Variants in CPQ observed in about 807,000 individuals in gnomAD.
CPQ encodes the protein Ser-Met dipeptidase.
Under a neutral mutation model 45.7 loss-of-function variants are expected in CPQ, and 37 were observed. The ratio of observed to expected loss-of-function variants is 0.81; its 90% CI spans 0.62 to 1.07. The LOEUF is 1.07. CPQ is among the 50% of genes least tolerant of loss of function. The pLI, the probability that CPQ is intolerant of heterozygous loss-of-function variation, is 0.00. For synonymous variants in CPQ, 186 were observed against 205.8 expected (o/e 0.90, Z 0.82); for missense variants, 537 against 572.9 (o/e 0.94, Z 0.64).
intron 2 of CPQ, among the ~76,000 whole-genome samples, chr8:96,798,050 C>CAA (rs796338469): frequency 1.5e-5 from 2 of 137,704 alleles, no homozygotes; most frequent in African/African-American, 5.3e-5. Context: ...GACTCCATCT[C>CAA]AAAAAAAAAA....
intron 2 of CPQ, among the ~76,000 whole-genome samples, chr8:96,809,941 A>AC (rs1468698255): frequency 1.3e-5 from 2 of 152,186 alleles, no homozygotes; most frequent in African/African-American, 2.4e-5. Context: ...ACTCTAGTGA[A>AC]CACCCAACTT....
intron 6 of CPQ, among the ~76,000 whole-genome samples, chr8:97,059,484 A>G (rs1810510691): frequency 6.6e-6 from 1 of 152,166 alleles, no homozygotes; most frequent in Admixed American, 6.5e-5. Flanking sequence ...TTGGGTGCCC[A>G]AAGCTGTTCA....
chr8:97,055,959 G>A (rs58901346), intron 6 of CPQ, among the ~76,000 whole-genome samples: 5,538 of 152,120 alleles, frequency 0.036, 278 homozygotes, highest in African/African-American at 0.11. Flanking sequence ...AAATTAGCTG[G>A]GCGTGGTGGT....
chr8:96,713,968 A>G (rs756574955), intron 1 of CPQ, among the ~76,000 whole-genome samples: 30 of 151,940 alleles, frequency 2.0e-4, no homozygotes, highest in Non-Finnish European at 1.5e-4. Flanking sequence ...GCGGACACCA[A>G]CTCCTTCTGG....
At chr8:96,823,167 G>A (rs1334835306) in intron 2 of CPQ, among the ~76,000 whole-genome samples, 1 of 151,874 alleles carries the variant, frequency 6.6e-6, no homozygotes, top group Admixed American at 6.6e-5. Context: ...AGAAAATGGG[G>A]TCTTTTTAAA....
At position 96,845,495 on chromosome 8, in the gene CPQ, A is replaced by G. The variant is rs1209654430; in HGVS notation, c.641+10315A>G. Among the ~76,000 whole-genome samples the G allele has an allele frequency of 2.0e-5, 3 of 152,302 alleles. No individual in the cohort carries two copies. In the East Asian group the frequency reaches 5.8e-4, roughly 29 times the overall value. ...AGCTATTTTTCTGAAGCCACATTCTAAAGCACCACAGATTTTTTTCTCAAT... is the reference window on the plus strand; with the variant it reads ...AGCTATTTTTCTGAAGCCACATTCTGAAGCACCACAGATTTTTTTCTCAAT... On this transcript the variant is annotated intron_variant, in intron 3 of 7. Transcript: ENST00000220763.
chr8:96,722,294 A>G (rs1809774913), intron 1 of CPQ, among the ~76,000 whole-genome samples: 1 of 152,222 alleles, frequency 6.6e-6, no homozygotes. Flanking sequence ...GAGGCTACAT[A>G]TTCAGAGATC....
intron 6 of CPQ, among the ~76,000 whole-genome samples, chr8:97,044,217 G>A (rs562195023): frequency 3.9e-5 from 6 of 151,924 alleles, no homozygotes; most frequent in Non-Finnish European, 5.9e-5. Context: ...ATCCCTTCTC[G>A]CTTCATTTCA....
At chr8:97,085,246 C>T (rs1811021073) in intron 7 of CPQ, among the ~76,000 whole-genome samples, 1 of 151,896 alleles carries the variant, frequency 6.6e-6, no homozygotes, top group Non-Finnish European at 1.5e-5. Context: ...TAGCCAGGCG[C>T]AGTGGTGCAT....
At chr8:96,736,183 G>A (rs1474697287) in intron 1 of CPQ, among the ~76,000 whole-genome samples, 1 of 152,172 alleles carries the variant, frequency 6.6e-6, no homozygotes, top group African/African-American at 2.4e-5. Flanking sequence ...AGTACTACCA[G>A]ACCTGCCTAA....
chr8:96,859,531 G>A (rs1811900706), intron 3 of CPQ, among the ~76,000 whole-genome samples: 1 of 152,128 alleles, frequency 6.6e-6, no homozygotes, highest in Non-Finnish European at 1.5e-5. Flanking sequence ...GGTGGCAAGT[G>A]TCCCTGAAGT....
At chr8:97,133,260 A>C (rs1428715812) in intron 7 of CPQ, 2 of 152,140 alleles carry the variant, frequency 1.3e-5, no homozygotes, top group African/African-American at 4.8e-5. Flanking sequence ...TTTTCCCCCA[A>C]TACTCCTCAT....
intron 1 of CPQ, among the ~76,000 whole-genome samples, chr8:96,697,137 G>A (rs563385682): frequency 1.3e-5 from 2 of 152,208 alleles, no homozygotes; most frequent in South Asian, 4.1e-4. Context: ...CAAAACATTA[G>A]CAAACTAAAT....
chr8:97,040,657 T>C (rs1369851677), intron 6 of CPQ, among the ~76,000 whole-genome samples: 1 of 152,224 alleles, frequency 6.6e-6, no homozygotes, highest in Non-Finnish European at 1.5e-5. Context: ...AATTAATTTT[T>C]GTATAAGGTG....
At chr8:96,778,841 T>G (rs965981181) in intron 1 of CPQ, among the ~76,000 whole-genome samples, 3 of 151,636 alleles carry the variant, frequency 2.0e-5, no homozygotes, top group African/African-American at 7.3e-5. Flanking sequence ...CTGATGGGGG[T>G]GGATCACAAG....
intron 5 of CPQ, among the ~76,000 whole-genome samples, chr8:97,011,169 C>A (rs1809478657): frequency 6.6e-6 from 1 of 152,180 alleles, no homozygotes. Flanking sequence ...TTTTGACATT[C>A]CTGTTGATAT....
At chr8:96,880,573 A>ATATATATG (rs1812210640) in intron 4 of CPQ, among the ~76,000 whole-genome samples, 2 of 108,966 alleles carry the variant, frequency 1.8e-5, no homozygotes, top group African/African-American at 7.2e-5. Context: ...ATATATATAT[A>ATATATATG]TATACCATGG....
chr8:96,907,273 C>T (rs1485711154), intron 4 of CPQ, among the ~76,000 whole-genome samples: 2 of 152,066 alleles, frequency 1.3e-5, no homozygotes, highest in Non-Finnish European at 2.9e-5. Flanking sequence ...TATCTTGTTG[C>T]CCTGCTGTCA....
chr8:96,860,272 G>A (rs904733521), intron 3 of CPQ, among the ~76,000 whole-genome samples: 12 of 152,154 alleles, frequency 7.9e-5, no homozygotes, highest in Admixed American at 2.6e-4. Context: ...TGTAGATACT[G>A]AGGAGATATT....
Sources: gnomAD v4.1 joint callset for allele counts (sites outside exome capture counted in the v4.1 genomes callset) on GRCh38, gnomAD v4.1.1 for gene constraint, MANE v1.5 for transcripts, NCBI Gene and HGNC (gene_info 2026-07-23, HGNC 2026-07-21) for gene names.